The following CAMTA1 variants were observed in gnomAD, a reference collection of about 807,000 sequenced individuals.
CAMTA1 encodes the protein calmodulin-binding transcription activator 1.
CAMTA1 carries 27 observed loss-of-function variants against 170.9 expected under a neutral mutation model. The observed-to-expected ratio is 0.16, with a 90% confidence interval of 0.12 to 0.22. CAMTA1 has a LOEUF of 0.22. CAMTA1 is among the 10% of genes least tolerant of loss of function. CAMTA1 has a pLI of 1.00. For missense variants in CAMTA1, 1,619 were observed against 2,217.2 expected (o/e 0.73, Z 5.42); for synonymous variants, 833 against 891.5 (o/e 0.93, Z 1.17).
chr1:7,223,361 T>G (rs1437326803), intron 4 of CAMTA1, among the ~76,000 whole-genome samples: 1 of 151,968 alleles, frequency 6.6e-6, no homozygotes, highest in African/African-American at 2.4e-5. Context: ...TGTGTGCGTA[T>G]GTGTGTGAGT....
intron 11 of CAMTA1, among the ~76,000 whole-genome samples, chr1:7,715,842 A>G (rs113506907): frequency 0.02 from 2,981 of 152,344 alleles, 87 homozygotes; most frequent in African/African-American, 0.066. Flanking sequence ...GAGCCGAGAC[A>G]TGAAAGAATC....
At chr1:7,012,827 A>G (rs1700003131) in intron 3 of CAMTA1, among the ~76,000 whole-genome samples, 2 of 151,582 alleles carry the variant, frequency 1.3e-5, no homozygotes, top group Non-Finnish European at 2.9e-5. Context: ...ACATCTCTAA[A>G]TGTAGCTTCC....
At chr1:7,270,880 T>G (rs2149401772) in intron 5 of CAMTA1, among the ~76,000 whole-genome samples, 1 of 152,324 alleles carries the variant, frequency 6.6e-6, no homozygotes, top group East Asian at 1.9e-4. Context: ...AACACTTTCT[T>G]GAAAATATAA....
chr1:7,296,942 A>G (rs1003985040), intron 5 of CAMTA1, among the ~76,000 whole-genome samples: 1 of 152,232 alleles, frequency 6.6e-6, no homozygotes, highest in Non-Finnish European at 1.5e-5. Context: ...CAAGAAAACC[A>G]GGAAAGCATG....
chr1:7,276,303 A>ATATAATTTTTTTTTTTTTTTTTTTTTT, intron 5 of CAMTA1, among the ~76,000 whole-genome samples: 2 of 24,228 alleles, frequency 8.3e-5, no homozygotes, highest in African/African-American at 5.9e-4. Context: ...ATATATATAT[A>ATATAATTTTTTTTTTTTTTTTTTTTTT]TTTTTTTTTT....
At chr1:7,589,636 C>A (rs1047123647) in intron 6 of CAMTA1, among the ~76,000 whole-genome samples, 1 of 152,146 alleles carries the variant, frequency 6.6e-6, no homozygotes, top group African/African-American at 2.4e-5. Context: ...CGGGGTAAAT[C>A]CTGCAAGGTT....
At chr1:6,788,916 C>T (rs534185639) in intron 1 of CAMTA1, among the ~76,000 whole-genome samples, 99 of 152,272 alleles carry the variant, frequency 6.5e-4, no homozygotes, top group African/African-American at 2.2e-3. Context: ...GCAGAATGCT[C>T]TGTTGCAGTT....
chr1:7,689,896 G>A (rs1008519746), intron 11 of CAMTA1, among the ~76,000 whole-genome samples: 5 of 152,102 alleles, frequency 3.3e-5, no homozygotes, highest in Non-Finnish European at 7.4e-5. Context: ...AGTGGCTCGT[G>A]CCTGTAATCC....
chr1:6,916,331 T>A (rs1680784760), intron 3 of CAMTA1, among the ~76,000 whole-genome samples: 1 of 152,104 alleles, frequency 6.6e-6, no homozygotes. Context: ...ATGGCCAAAT[T>A]GAGTTAGGAG....
chr1:7,075,230 C>T (rs1022877725), intron 3 of CAMTA1, among the ~76,000 whole-genome samples: 2 of 152,216 alleles, frequency 1.3e-5, no homozygotes, highest in East Asian at 3.9e-4. Context: ...AGAAACTGGG[C>T]CCTAGAGCAA....
intron 3 of CAMTA1, among the ~76,000 whole-genome samples, chr1:6,920,373 C>T (rs569624447): frequency 6.6e-5 from 10 of 152,294 alleles, no homozygotes; most frequent in South Asian, 4.2e-4. Flanking sequence ...TGGGCAGCTC[C>T]GCCCCTTTGG....
In CAMTA1 at chr1:7,097,908, T is replaced by C. The variant is rs548526569; in HGVS notation, c.302+6537T>C. Among the ~76,000 whole-genome samples, 407 of 152,212 alleles carry C rather than the reference T, an allele frequency of 2.7e-3. 2 individuals are homozygous for C. Among genetic ancestry groups the C allele is most frequent in the African/African-American group, 9.5e-3 (396 of 41,518 alleles). ...GGTACAGCGTTTCAGCTGGGGAAGA[T>C]GGGTGGCAGTGATGATGGTGGCAGA... On this transcript the variant is annotated intron_variant, in intron 4 of 22. Coordinates refer to ENST00000303635, the MANE Select transcript of CAMTA1 (RefSeq NM_015215.4).
chr1:6,999,995 A>T (rs546864094), intron 3 of CAMTA1, among the ~76,000 whole-genome samples: 46 of 152,284 alleles, frequency 3.0e-4, no homozygotes, highest in Admixed American at 1.0e-3. Context: ...GGAGAAAGAG[A>T]ATCGAGTGTT....
intron 4 of CAMTA1, among the ~76,000 whole-genome samples, chr1:7,148,574 C>T (rs917968019): frequency 1.3e-5 from 2 of 152,196 alleles, no homozygotes; most frequent in Non-Finnish European, 2.9e-5. Flanking sequence ...GTCCAGTCCC[C>T]ACGTTGCCAC....
rs976631945 is a variant in CAMTA1 at position 7,420,212 on chromosome 1, C to T, written c.439-47618C>T. Among the ~76,000 whole-genome samples the T allele has an allele frequency of 5.3e-5, 8 of 152,224 alleles. No homozygotes were observed. The Middle Eastern group carries it at 0.01, about 194-fold the overall frequency. On this transcript the variant is annotated intron_variant, in intron 5 of 22. Coordinates refer to ENST00000303635, the MANE Select transcript of CAMTA1 (RefSeq NM_015215.4). ...AGCCCATCCACCTGGAGCACCTGCC[C>T]GGTCCTGCACACTTGGCCGCCTGGC...
rs900568124 is a variant in CAMTA1, at chr1:7,580,848, A to C, written c.511-59552A>C. 1.3e-5 allele frequency among the ~76,000 whole-genome samples: 2 copies of C among 152,194 alleles called. No homozygotes were observed. Among genetic ancestry groups the C allele is most frequent in the Non-Finnish European group, 2.9e-5 (2 of 68,036 alleles). On this transcript the variant is annotated intron_variant, in intron 6 of 22. Transcript: ENST00000303635. This position sits in a 1 kb window ranked among gnomAD's most constrained non-coding sequence, Gnocchi z 4.3. ...ACAAGCCCATCCTTAGAGGGTTCAG[A>C]GTCATATGGTGTGAAACACCCTGTC...
intron 3 of CAMTA1, chr1:6,871,977 G>C: frequency 8.2e-7 from 1 of 1,225,690 alleles, no homozygotes; most frequent in Non-Finnish European, 1.0e-6. Flanking sequence ...GCAAAATGCT[G>C]TCTTCATTTT....
intron 5 of CAMTA1, among the ~76,000 whole-genome samples, chr1:7,278,922 A>C (rs1164389595): frequency 6.6e-6 from 1 of 152,180 alleles, no homozygotes; most frequent in Non-Finnish European, 1.5e-5. Flanking sequence ...TAATCTGGGG[A>C]TCAGAGAGAG....
At position 6,971,835 on chromosome 1, in the gene CAMTA1, G is replaced by A. The variant is rs1692589149; in HGVS notation, c.235-119469G>A. Among the ~76,000 whole-genome samples, 1 of 152,252 alleles carries A rather than the reference G, an allele frequency of 6.6e-6. No individual in the cohort carries two copies. The highest frequency in any genetic ancestry group is 1.5e-5 in the Non-Finnish European group (1 of 68,034). ...TGGCATTATCACTGCTAACCCAGGT[G>A]TGACTTGGCTCCGCTGCCATTGGCG... On this transcript the variant is annotated intron_variant, in intron 3 of 22. Coordinates refer to ENST00000303635, the MANE Select transcript of CAMTA1 (RefSeq NM_015215.4). The surrounding 1 kb of genome is among the most constrained non-coding windows in gnomAD (Gnocchi z 4.6).
Sources: gnomAD v4.1 joint callset for allele counts (sites outside exome capture counted in the v4.1 genomes callset) on GRCh38, gnomAD v4.1.1 for gene constraint, Gnocchi (gnomAD v3.1) non-coding constraint, MANE v1.5 for transcripts, NCBI Gene and HGNC (gene_info 2026-07-23, HGNC 2026-07-21) for gene names.